The following ITGA9 variants were observed in gnomAD, a reference collection of about 807,000 sequenced individuals.
ITGA9 encodes the protein integrin subunit alpha 9.
Under a neutral mutation model 127.8 loss-of-function variants are expected in ITGA9, and 56 were observed. That is an observed-to-expected ratio of 0.44 (90% CI 0.35 to 0.55). The LOEUF is 0.55. Ranked by LOEUF, ITGA9 falls within the 20% of genes least tolerant of loss-of-function variation. The probability of loss-of-function intolerance (pLI) is 0.00; values close to 1 mark genes in which losing one functional copy is unlikely to be tolerated. For synonymous variants in ITGA9, 508 were observed against 514.5 expected (o/e 0.99, Z 0.17); for missense variants, 1,196 against 1,347.1 (o/e 0.89, Z 1.76).
At chr3:37,490,274 A>G (rs1698656596) in intron 4 of ITGA9, among the ~76,000 whole-genome samples, 1 of 152,212 alleles carries the variant, frequency 6.6e-6, no homozygotes. Context: ...GGCCAAAGAG[A>G]ACCAGGAAGT....
chr3:37,516,486 G>T (rs1268217613), intron 9 of ITGA9, among the ~76,000 whole-genome samples: 1 of 150,852 alleles, frequency 6.6e-6, no homozygotes, highest in African/African-American at 2.5e-5. Flanking sequence ...ATGAGGAGCT[G>T]GCTGTACAGT....
chr3:37,513,896 G>A lies in ITGA9; in HGVS notation c.1031G>A (p.Gly344Glu), dbSNP rs141618223. 7.4e-5 allele frequency: 119 copies of A among 1,613,156 alleles called. No individual in the cohort carries two copies. The highest frequency in any genetic ancestry group is 9.8e-5 in the Non-Finnish European group (116 of 1,180,024). ...EGQVTVYINR[G>E]NGALEEQLAL... ...CAGGTCACTGTCTACATCAACAGAG[G>A]AAATGTGAGTACAATACTGGGCAAT... Residue 344 changes from glycine (G) to glutamate (E), a missense_variant, in exon 9 of 28, where the codon GGA (glycine) becomes GAA (glutamate). Gly to Glu is a moderately conservative substitution (Grantham distance 98). Coordinates refer to ENST00000264741, the MANE Select transcript of ITGA9 (RefSeq NM_002207.3).
At chr3:37,643,811 G>C (rs1331944430) in intron 16 of ITGA9, among the ~76,000 whole-genome samples, 1 of 152,186 alleles carries the variant, frequency 6.6e-6, no homozygotes, top group Non-Finnish European at 1.5e-5. Context: ...TGTTCTTGCA[G>C]ATAGATGGGG....
chr3:37,706,322 T>C (rs1701005162), intron 18 of ITGA9, among the ~76,000 whole-genome samples: 1 of 152,220 alleles, frequency 6.6e-6, no homozygotes, highest in Non-Finnish European at 1.5e-5. Context: ...ATTCTGCTTC[T>C]TCCCAAAGTG....
At chr3:37,522,946 A>G (rs1391022422) in intron 11 of ITGA9, among the ~76,000 whole-genome samples, 2 of 151,780 alleles carry the variant, frequency 1.3e-5, no homozygotes, top group African/African-American at 4.8e-5. Flanking sequence ...AAAACTGTTC[A>G]CTCCTGTCTG....
At chr3:37,623,729 G>A (rs1246290618) in intron 15 of ITGA9, among the ~76,000 whole-genome samples, 1 of 151,134 alleles carries the variant, frequency 6.6e-6, no homozygotes, top group African/African-American at 2.4e-5. Context: ...AGCTTTTCGA[G>A]TTGTCCGTGG....
At chr3:37,813,101 AGGTAGGACT>A (rs1319512947) in intron 27 of ITGA9, among the ~76,000 whole-genome samples, 1 of 152,206 alleles carries the variant, frequency 6.6e-6, no homozygotes, top group Non-Finnish European at 1.5e-5. Flanking sequence ...GTAATGGAAT[AGGTAGGACT>A]GGCTATGAAG....
intron 18 of ITGA9, among the ~76,000 whole-genome samples, chr3:37,722,851 G>C (rs1298905636): frequency 6.6e-6 from 1 of 152,074 alleles, no homozygotes; most frequent in Non-Finnish European, 1.5e-5. Flanking sequence ...GGGATTGCTG[G>C]GTTACATGGT....
rs573438074 is a variant in ITGA9 at position 37,649,879 on chromosome 3, A to G, written c.1840-3835A>G. Among the ~76,000 whole-genome samples the G allele has an allele frequency of 2.8e-4, 42 of 152,354 alleles. No homozygotes were observed. In the South Asian group the frequency reaches 7.7e-3, roughly 28 times the overall value. ...ATACCAAGTATCTTTTCCAACCACA[A>G]TGGAATGAAACTAGAAATCAGTAAC... On this transcript the variant is annotated intron_variant, in intron 16 of 27. Coordinates refer to ENST00000264741, the MANE Select transcript of ITGA9 (RefSeq NM_002207.3).
intron 23 of ITGA9, among the ~76,000 whole-genome samples, chr3:37,758,447 T>G (rs1696682759): frequency 6.6e-6 from 1 of 150,762 alleles, no homozygotes; most frequent in Admixed American, 6.6e-5. Context: ...AGGAAACTGA[T>G]TAATATAACT....
intron 18 of ITGA9, among the ~76,000 whole-genome samples, chr3:37,703,795 G>A (rs1357803958): frequency 2.0e-5 from 3 of 152,162 alleles, no homozygotes; most frequent in African/African-American, 7.2e-5. Context: ...TTATTAACGT[G>A]TTTAACCCTC....
intron 19 of ITGA9, chr3:37,733,060 T>G (rs1330552232): frequency 2.1e-6 from 1 of 484,832 alleles, no homozygotes; most frequent in Admixed American, 3.3e-5. Flanking sequence ...CACCACAGCC[T>G]CTGCACTTTA....
intron 10 of ITGA9, among the ~76,000 whole-genome samples, chr3:37,518,123 T>TGTGTGTGTGTGTGTGTGTGTGTGTGTG (rs1553643689): frequency 6.6e-6 from 1 of 151,858 alleles, no homozygotes; most frequent in Non-Finnish European, 1.5e-5. Context: ...TGTGTGTGTC[T>TGTGTGTGTGTGTGTGTGTGTGTGTGTG]TGGGAGGCAT....
At chr3:37,676,416 A>G (rs904278614) in intron 17 of ITGA9, among the ~76,000 whole-genome samples, 1 of 152,202 alleles carries the variant, frequency 6.6e-6, no homozygotes, top group African/African-American at 2.4e-5. Context: ...GTCCCACTCA[A>G]TAGGCAAGGG....
intron 18 of ITGA9, among the ~76,000 whole-genome samples, chr3:37,689,297 T>C (rs577099924): frequency 6.6e-6 from 1 of 152,242 alleles, no homozygotes; most frequent in African/African-American, 2.4e-5. Context: ...GGAAGGCTGC[T>C]TATAAAAACA....
chr3:37,617,101 T>A (rs1167351972), intron 15 of ITGA9, among the ~76,000 whole-genome samples: 4 of 152,182 alleles, frequency 2.6e-5, no homozygotes, highest in Non-Finnish European at 5.9e-5. Context: ...TGGCTGGTAA[T>A]GGTTGTTCCT....
At chr3:37,603,799 A>G (rs984613312) in intron 15 of ITGA9, among the ~76,000 whole-genome samples, 4 of 152,332 alleles carry the variant, frequency 2.6e-5, no homozygotes, top group East Asian at 1.9e-4. Context: ...GAAAGGTTCA[A>G]TTCCTCACCC....
At chr3:37,670,334 C>T (rs911032430) in intron 17 of ITGA9, among the ~76,000 whole-genome samples, 3 of 152,160 alleles carry the variant, frequency 2.0e-5, no homozygotes, top group Non-Finnish European at 2.9e-5. Flanking sequence ...CCTGCCATCC[C>T]TCCTTCCCTC....
intron 15 of ITGA9, among the ~76,000 whole-genome samples, chr3:37,618,661 G>T (rs1243382505): frequency 1.3e-5 from 2 of 152,206 alleles, no homozygotes; most frequent in African/African-American, 4.8e-5. Context: ...CTTGGCGATG[G>T]TGGGCGCCCC....
Sources: gnomAD v4.1 joint callset for allele counts (sites outside exome capture counted in the v4.1 genomes callset) on GRCh38, gnomAD v4.1.1 for gene constraint, MANE v1.5 for transcripts, NCBI Gene and HGNC (gene_info 2026-07-23, HGNC 2026-07-21) for gene names.